Variants in SOX5 observed in about 807,000 individuals in gnomAD.
SOX5 encodes transcription factor SOX-5.
SOX5 carries 9 observed loss-of-function variants against 92.0 expected under a neutral mutation model. That is an observed-to-expected ratio of 0.10 (90% CI 0.06 to 0.17). The LOEUF is 0.17. Ranked by LOEUF, SOX5 falls within the 10% of genes least tolerant of loss-of-function variation. The pLI is 1.00. For synonymous variants in SOX5, 344 were observed against 336.3 expected, an observed-to-expected ratio of 1.02 and a Z score of -0.25; for missense variants, 642 against 944.5, an observed-to-expected ratio of 0.68 and a Z score of 4.20.
At chr12:23,567,368 T>A (rs1947312279) in intron 10 of SOX5, among the ~76,000 whole-genome samples, 1 of 151,958 alleles carries the variant, frequency 6.6e-6, no homozygotes, top group South Asian at 2.1e-4. Context: ...CCAGTTAACA[T>A]CTCAAATGAG....
intron 4 of SOX5, among the ~76,000 whole-genome samples, chr12:24,207,091 T>C (rs758817895): frequency 1.4e-4 from 22 of 152,378 alleles, no homozygotes; most frequent in Non-Finnish European, 2.9e-4. Context: ...CAGATCTCTG[T>C]AACATCAGTG....
chr12:23,819,448 T>C (rs2096063300), intron 3 of SOX5, among the ~76,000 whole-genome samples: 3 of 152,198 alleles, frequency 2.0e-5, no homozygotes, highest in Admixed American at 6.5e-5. Flanking sequence ...TTTATTCTAC[T>C]GTAAGTTCTG....
At position 24,393,625 on chromosome 12, in the gene SOX5, T is replaced by C. The variant is rs907271452; in HGVS notation, c.-250-24986A>G. Among the ~76,000 whole-genome samples the C allele has an allele frequency of 6.6e-6, 1 of 152,246 alleles. No individual in the cohort carries two copies. The highest frequency in any genetic ancestry group is 1.5e-5 in the Non-Finnish European group (1 of 68,038). On this transcript the variant is annotated intron_variant, in intron 1 of 4. Coordinates refer to the SOX5 transcript ENST00000446891. This position sits in a 1 kb window ranked among gnomAD's most constrained non-coding sequence, Gnocchi z 5.0. The stretch of plus-strand genomic sequence containing the variant: ...AAATTATGAAATAGATAATCTTTTA[T>C]ACGGATTACGCTTTAAGACATGGCC...
At chr12:23,655,596 C>G (rs2082205637) in intron 7 of SOX5, among the ~76,000 whole-genome samples, 1 of 152,142 alleles carries the variant, frequency 6.6e-6, no homozygotes, top group Non-Finnish European at 1.5e-5. Flanking sequence ...GACTCCCTTT[C>G]TAGCCATTGC....
intron 5 of SOX5, among the ~76,000 whole-genome samples, chr12:23,737,443 G>T (rs962824869): frequency 6.6e-6 from 1 of 152,098 alleles, no homozygotes; most frequent in Non-Finnish European, 1.5e-5. Flanking sequence ...GGGAGGCTGA[G>T]GCAGGAGAAT....
At chr12:24,354,880 T>G (rs1243965640) in intron 2 of SOX5, among the ~76,000 whole-genome samples, 1 of 152,150 alleles carries the variant, frequency 6.6e-6, no homozygotes, top group South Asian at 2.1e-4. Context: ...AGAGGCCCAA[T>G]CAAGGATGCT....
At chr12:23,755,128 T>TGCTGA (rs2094321912) in intron 4 of SOX5, among the ~76,000 whole-genome samples, 1 of 151,760 alleles carries the variant, frequency 6.6e-6, no homozygotes, top group Admixed American at 6.6e-5. Context: ...TTATAGAACT[T>TGCTGA]TTCTTAGCTG....
intron 7 of SOX5, among the ~76,000 whole-genome samples, chr12:23,652,532 T>TTTTTTTTTTTTTA (rs2081731693): frequency 1.3e-5 from 2 of 151,372 alleles, no homozygotes; most frequent in African/African-American, 4.9e-5. Context: ...TTTTTTTTTT[T>TTTTTTTTTTTTTA]GAGCAATTCT....
intron 4 of SOX5, among the ~76,000 whole-genome samples, chr12:24,208,944 A>T (rs2139645119): frequency 6.6e-6 from 1 of 152,354 alleles, no homozygotes; most frequent in South Asian, 2.1e-4. Context: ...TCTTAGCAAG[A>T]TTTGGCATGA....
chr12:23,931,006 T>C (rs1288495666), intron 1 of SOX5, among the ~76,000 whole-genome samples: 1 of 151,794 alleles, frequency 6.6e-6, no homozygotes, highest in African/African-American at 2.4e-5. Flanking sequence ...AGTATGTCTC[T>C]CCCACCAAAC....
chr12:24,124,720 T>C (rs1055394709), intron 4 of SOX5, among the ~76,000 whole-genome samples: 8 of 152,206 alleles, frequency 5.3e-5, no homozygotes, highest in African/African-American at 1.7e-4. Context: ...TGGAGACTAA[T>C]GGACTAATTG....
At chr12:24,399,518 G>A (rs565442219) in intron 1 of SOX5, among the ~76,000 whole-genome samples, 8 of 152,236 alleles carry the variant, frequency 5.3e-5, no homozygotes, top group African/African-American at 9.6e-5. Flanking sequence ...TTATAAAACC[G>A]TGAGTACAAA....
chr12:24,230,230 A>G (rs964648899), intron 3 of SOX5, among the ~76,000 whole-genome samples: 1 of 152,152 alleles, frequency 6.6e-6, no homozygotes, highest in African/African-American at 2.4e-5. Flanking sequence ...CCCACAGAGA[A>G]GATGAAATGC....
chr12:24,312,710 A>G (rs940576396), intron 2 of SOX5, among the ~76,000 whole-genome samples: 3 of 152,190 alleles, frequency 2.0e-5, no homozygotes, highest in Admixed American at 6.6e-5. Context: ...ATTTTTTTGA[A>G]GTAAATATTA....
intron 4 of SOX5, among the ~76,000 whole-genome samples, chr12:24,071,055 T>G (rs1254584967): frequency 6.6e-6 from 1 of 152,216 alleles, no homozygotes; most frequent in Non-Finnish European, 1.5e-5. Flanking sequence ...CTGAATACAA[T>G]AGAAGACTGG....
intron 1 of SOX5, among the ~76,000 whole-genome samples, chr12:23,926,882 G>GAAGA (rs1303625201): frequency 6.6e-6 from 1 of 152,014 alleles, no homozygotes; most frequent in Non-Finnish European, 1.5e-5. Context: ...GAAATACCAA[G>GAAGA]AAGAAGCCTA....
intron 6 of SOX5, among the ~76,000 whole-genome samples, chr12:23,732,740 C>T (rs988185350): frequency 2.0e-5 from 3 of 152,122 alleles, no homozygotes; most frequent in Admixed American, 2.0e-4. Flanking sequence ...TTTTAAAATT[C>T]TCATACTCCA....
intron 9 of SOX5, among the ~76,000 whole-genome samples, chr12:23,581,893 A>AAT (rs146346074): frequency 2.2e-3 from 333 of 149,880 alleles, no homozygotes; most frequent in East Asian, 6.4e-3. Flanking sequence ...TGATTGAAAA[A>AAT]ATATATATAT....
At chr12:24,416,491 G>C (rs1324664646) in intron 1 of SOX5, among the ~76,000 whole-genome samples, 1 of 152,184 alleles carries the variant, frequency 6.6e-6, no homozygotes, top group Non-Finnish European at 1.5e-5. Context: ...GTATTCAAAA[G>C]CAAAGACGTG....
Sources: allele counts gnomAD v4.1 joint callset (sites outside exome capture counted in the v4.1 genomes callset), GRCh38; gene constraint gnomAD v4.1.1; non-coding constraint Gnocchi (gnomAD v3.1); transcripts MANE v1.5; gene names NCBI Gene and HGNC (gene_info 2026-07-23, HGNC 2026-07-21).